The following LTBP1 variants were observed in gnomAD, a reference collection of about 807,000 sequenced individuals.
The protein encoded by LTBP1 is latent transforming growth factor beta binding protein 1, also known as latent-transforming growth factor beta-binding protein 1.
Under a neutral mutation model 207.6 loss-of-function variants are expected in LTBP1, and 129 were observed. That is an observed-to-expected ratio of 0.62 (90% CI 0.54 to 0.72). The LOEUF is 0.72. Ranked by LOEUF, LTBP1 falls within the 30% of genes least tolerant of loss-of-function variation. The pLI is 0.00. For synonymous variants in LTBP1, 963 were observed against 833.7 expected (o/e 1.16, Z -2.67); for missense variants, 2,281 against 2,217.2 (o/e 1.03, Z -0.58).
chr2:33,258,798 C>T (rs1490482206), intron 12 of LTBP1, among the ~76,000 whole-genome samples: 1 of 152,136 alleles, frequency 6.6e-6, no homozygotes. Flanking sequence ...ATTTAATGCT[C>T]CTGCCCAACC....
intron 3 of LTBP1, among the ~76,000 whole-genome samples, chr2:33,031,603 G>C (rs1229433708): frequency 6.6e-6 from 1 of 152,234 alleles, no homozygotes; most frequent in Non-Finnish European, 1.5e-5. Context: ...GGGGCTGGAG[G>C]ACTGGACTAA....
intron 3 of LTBP1, among the ~76,000 whole-genome samples, chr2:33,092,948 C>A (rs1413630298): frequency 6.6e-6 from 1 of 152,198 alleles, no homozygotes; most frequent in African/African-American, 2.4e-5. Flanking sequence ...CATAGACCTG[C>A]ACTCCTTCCT....
chr2:33,000,482 G>C lies in LTBP1; in HGVS notation c.566-20427G>C, dbSNP rs1685935808. Among the ~76,000 whole-genome samples, 2 of 134,848 alleles carry C rather than the reference G, an allele frequency of 1.5e-5. 1 individual carries two copies. The highest frequency in any genetic ancestry group is 7.8e-4 in the East Asian group (2 of 2,570). The allele number at this position is 134,848 out of a possible 152,430, so 88.5% of individuals were successfully genotyped here. On this transcript the variant is annotated intron_variant, in intron 2 of 33. Coordinates refer to ENST00000404816, the MANE Select transcript of LTBP1 (RefSeq NM_206943.4). ...CCAGGTGGAGGTGGAAGTTGTTGGG[G>C]GAAGGGTGCTAAGTGAAAATGCTAT...
At chr2:33,053,501 C>T (rs984861377) in intron 3 of LTBP1, among the ~76,000 whole-genome samples, 3 of 152,042 alleles carry the variant, frequency 2.0e-5, no homozygotes, top group African/African-American at 4.8e-5. Flanking sequence ...TCGCAGCCCT[C>T]GCTCGCTCTC....
At chr2:33,112,599 AT>A (rs1432900775) in intron 4 of LTBP1, among the ~76,000 whole-genome samples, 1 of 152,174 alleles carries the variant, frequency 6.6e-6, no homozygotes, top group Non-Finnish European at 1.5e-5. Flanking sequence ...AAGAAGGGAG[AT>A]GTGGCTATTT....
At chr2:33,139,543 A>G (rs1252443260) in intron 5 of LTBP1, among the ~76,000 whole-genome samples, 1 of 152,162 alleles carries the variant, frequency 6.6e-6, no homozygotes, top group Admixed American at 6.5e-5. Flanking sequence ...TAGAGAGAAA[A>G]GAGATGGCAT....
At chr2:33,008,190 A>G (rs1168886331) in intron 2 of LTBP1, among the ~76,000 whole-genome samples, 1 of 152,250 alleles carries the variant, frequency 6.6e-6, no homozygotes, top group African/African-American at 2.4e-5. Flanking sequence ...CAACTTTTCA[A>G]ACAGATTATA....
intron 5 of LTBP1, among the ~76,000 whole-genome samples, chr2:33,142,536 A>T (rs1033504267): frequency 6.6e-6 from 1 of 152,188 alleles, no homozygotes; most frequent in East Asian, 1.9e-4. Context: ...AGGTGATTCC[A>T]TGGGTTACTT....
At chr2:33,357,518 G>A (rs909859219) in intron 26 of LTBP1, among the ~76,000 whole-genome samples, 4 of 152,080 alleles carry the variant, frequency 2.6e-5, no homozygotes, top group African/African-American at 7.2e-5. Context: ...TTTCTCTTCC[G>A]GGAAGTGAGG....
At chr2:33,290,342 T>TGGGA (rs2093750198) in intron 19 of LTBP1, among the ~76,000 whole-genome samples, 1 of 152,136 alleles carries the variant, frequency 6.6e-6, no homozygotes, top group South Asian at 2.1e-4. Context: ...ATGGCATTGA[T>TGGGA]GGGAGATCTT....
intron 3 of LTBP1, among the ~76,000 whole-genome samples, chr2:33,063,310 C>A (rs2077355056): frequency 6.6e-6 from 1 of 151,982 alleles, no homozygotes; most frequent in Non-Finnish European, 1.5e-5. Flanking sequence ...AATACTTAGA[C>A]ATTATTTGCT....
At chr2:33,057,923 C>T (rs909429165) in intron 3 of LTBP1, among the ~76,000 whole-genome samples, 4 of 152,260 alleles carry the variant, frequency 2.6e-5, no homozygotes, top group East Asian at 1.9e-4. Context: ...CCAGAATGGG[C>T]GCCAAGGCCG....
intron 8 of LTBP1, among the ~76,000 whole-genome samples, chr2:33,220,031 C>A (rs757354496): frequency 6.6e-6 from 1 of 152,058 alleles, no homozygotes; most frequent in Non-Finnish European, 1.5e-5. Flanking sequence ...TCACTTTTAA[C>A]TAAATGTTGG....
chr2:33,372,446 CAAAA>C (rs906670511), intron 31 of LTBP1, among the ~76,000 whole-genome samples: 1 of 152,142 alleles, frequency 6.6e-6, no homozygotes, highest in Non-Finnish European at 1.5e-5. Context: ...GCAGGAATAA[CAAAA>C]AACTATATAT....
intron 7 of LTBP1, among the ~76,000 whole-genome samples, chr2:33,211,583 G>A (rs1377434600): frequency 6.6e-6 from 1 of 152,156 alleles, no homozygotes. Flanking sequence ...AATGACTCCA[G>A]TCCAGCACTC....
chr2:33,064,843 C>A (rs1017613560), intron 3 of LTBP1, among the ~76,000 whole-genome samples: 2 of 152,106 alleles, frequency 1.3e-5, no homozygotes, highest in African/African-American at 4.8e-5. Context: ...TCTTCTTAGT[C>A]ATGTCATGTC....
chr2:32,954,918 C>T (rs573184956), intron 2 of LTBP1, among the ~76,000 whole-genome samples: 44 of 152,230 alleles, frequency 2.9e-4, no homozygotes, highest in Admixed American at 7.2e-4. Context: ...GAGGAATTGG[C>T]CACAGGTAAT....
intron 2 of LTBP1, among the ~76,000 whole-genome samples, chr2:33,004,847 G>A (rs1488175656): frequency 7.1e-6 from 1 of 140,642 alleles, no homozygotes; most frequent in Middle Eastern, 3.9e-3. Context: ...TATTTATTGT[G>A]GCTAGTATTA....
intron 22 of LTBP1, among the ~76,000 whole-genome samples, chr2:33,302,434 C>A (rs2094003589): frequency 6.6e-6 from 1 of 152,134 alleles, no homozygotes; most frequent in African/African-American, 2.4e-5. Context: ...AGTGGATGAG[C>A]CTTTTGGTGA....
Sources: allele counts gnomAD v4.1 joint callset (sites outside exome capture counted in the v4.1 genomes callset), GRCh38; gene constraint gnomAD v4.1.1; transcripts MANE v1.5; gene names NCBI Gene and HGNC (gene_info 2026-07-23, HGNC 2026-07-21).